Variants in ZSCAN29 observed in about 807,000 individuals in gnomAD.
ZSCAN29 encodes zinc finger and SCAN domain containing 29, also known as zinc finger and SCAN domain-containing protein 29.
In ZSCAN29, 55 loss-of-function variants were observed where a neutral mutation model predicts 71.9. The ratio of observed to expected loss-of-function variants is 0.76; its 90% confidence interval spans 0.62 to 0.96. The LOEUF (loss-of-function observed/expected upper bound fraction) is 0.96, where lower values mean the gene tolerates loss of function less well. ZSCAN29 is among the 40% of genes least tolerant of loss of function. The pLI is 0.00. For synonymous variants in ZSCAN29, 351 were observed against 371.6 expected (o/e 0.94, Z 0.64); for missense variants, 1,042 against 1,042.2 (o/e 1.00, Z 0.00).
In ZSCAN29 at chr15:43,364,303, G is replaced by T. The variant is rs1420128202; in HGVS notation, c.1302C>A (p.Asn434Lys). The T allele has an allele frequency of 1.2e-6, 2 of 1,614,196 alleles. No homozygotes were observed. Among genetic ancestry groups the T allele is most frequent in the Non-Finnish European group, 1.7e-6 (2 of 1,180,040 alleles). ...CATACAGCTGGCTGTTGCGGTGACA[G>T]TTCCGGAGGGCTTCATAAAACTGGG... ...SETQFYEALR[N>K]CHRNSQLYGA... Residue 434 changes from asparagine to lysine, a missense_variant, in exon 5 of 6, where the codon AAC becomes AAA. Coordinates refer to ENST00000684362, the MANE Select transcript of ZSCAN29 (RefSeq NM_001372080.1).
In ZSCAN29 at chr15:43,369,924, A is replaced by C. The variant is rs1394191092; in HGVS notation, c.-11T>G. 6.3e-7 allele frequency: 1 copy of C among 1,582,936 alleles called. No individual in the cohort carries two copies. The highest frequency in any genetic ancestry group is 1.1e-5 in the South Asian group (1 of 89,026). Reference sequence around the variant, plus strand: ...TGATTTGGCCATCATTAATAGCAGAATGCAGCTTCCCTTCGCTTAGGAGTC... The same window carrying C: ...TGATTTGGCCATCATTAATAGCAGACTGCAGCTTCCCTTCGCTTAGGAGTC... On this transcript the variant is annotated 5_prime_UTR_variant, in exon 2 of 6. Transcript: ENST00000684362.
rs768302942 is a variant in ZSCAN29, at chr15:43,361,178, A to G, written c.2454T>C (p.Tyr818=). Residue 818 remains tyrosine, a synonymous_variant, in exon 6 of 6, where the codon TAT becomes TAC. Transcript: ENST00000684362. ...HHRTHTGEKP[Y]GCHDCGKCFS... ...AGCACTTACCACAGTCATGACACCC[A>G]TAGGGTTTCTCTCCTGTGTGGGTTC... is the stretch of plus-strand genomic sequence containing the variant. 14 of 1,614,114 alleles carry G rather than the reference A, an allele frequency of 8.7e-6. No homozygotes were observed. The African/African-American group carries it at 1.7e-4, about 20-fold the overall frequency.
chr15:43,366,763 C>A lies in ZSCAN29; in HGVS notation c.569G>T (p.Gly190Val), dbSNP rs2044044512. The A allele has an allele frequency of 6.2e-7, 1 of 1,613,938 alleles. No homozygotes were observed. The highest frequency in any genetic ancestry group is 1.1e-5 in the South Asian group (1 of 91,044). The change falls in exon 4 of 6, where the codon GGA (glycine) becomes GTA (valine). Residue 190 changes from glycine to valine, a missense_variant. Physicochemically the swap from Gly to Val is moderately radical, Grantham distance 109. Coordinates refer to ENST00000684362, the MANE Select transcript of ZSCAN29 (RefSeq NM_001372080.1). The stretch of plus-strand genomic sequence containing the variant: ...CAGCAGATCTGGGATCCATGGCTCT[C>A]CTTGCTCCAACCTGGAGACCACACC... ...KSGVVSRLEQ[G>V]EPWIPDLLGS...
Position 43,361,157 on chromosome 15 carries a change from C to T in ZSCAN29, c.2475G>A (p.Lys825=). The T allele has an allele frequency of 1.2e-6, 2 of 1,614,160 alleles. No individual in the cohort carries two copies. Among genetic ancestry groups the T allele is most frequent in the South Asian group, 1.1e-5 (1 of 91,088 alleles). Residue 825 remains lysine (K), a synonymous_variant, in exon 6 of 6, where the codon AAG becomes AAA. Coordinates refer to ENST00000684362, the MANE Select transcript of ZSCAN29 (RefSeq NM_001372080.1). ...EKPYGCHDCG[K]CFSKSSALNK... ...TAAGGGCAGAGCTTTTACTGAAGCA[C>T]TTACCACAGTCATGACACCCATAGG...
intron 1 of ZSCAN29, chr15:43,370,276 A>C: frequency 4.2e-6 from 1 of 237,680 alleles, no homozygotes; most frequent in South Asian, 6.2e-5. Context: ...TCCCTGGCCA[A>C]TGTTGCACAG....
At chr15:43,369,320 C>T (rs578183712) in intron 2 of ZSCAN29, 193 bp from the exon 3 acceptor site, 35 of 602,630 alleles carry the variant, frequency 5.8e-5, no homozygotes, top group African/African-American at 5.7e-4. Flanking sequence ...CAGAAGGAAA[C>T]GATCAAAATA....
rs1172051818 is a variant in ZSCAN29, at chr15:43,358,884, T to C, written c.*2189A>G. On this transcript the variant is annotated 3_prime_UTR_variant, in exon 6 of 6. Transcript: ENST00000684362. Reference sequence around the variant, plus strand: ...CCTCATGGTCTGCTCCTAACACCCATGTTTCAGCTAAGGTGATTCTCTCTG... The same window carrying C: ...CCTCATGGTCTGCTCCTAACACCCACGTTTCAGCTAAGGTGATTCTCTCTG... 1 of 152,262 alleles carries C rather than the reference T, an allele frequency of 6.6e-6. No individual in the cohort carries two copies. Among genetic ancestry groups the C allele is most frequent in the African/African-American group, 2.4e-5 (1 of 41,464 alleles). The allele number at this position is 152,262 out of a possible 1,614,324, so 9.4% of individuals were successfully genotyped here.
chr15:43,369,102 TCCTG>T lies in ZSCAN29; in HGVS notation c.340_343del (p.Gln114LysfsTer7). 6.3e-7 allele frequency: 1 copy of T among 1,588,204 alleles called. No individual in the cohort carries two copies. The highest frequency in any genetic ancestry group is 8.6e-7 in the Non-Finnish European group (1 of 1,163,752). On this transcript the variant is annotated frameshift_variant, in exon 3 of 6. Transcript: ENST00000684362. LOFTEE classifies it high-confidence loss of function. ...GGGTGTCATCTTCTCCAAGCGCACT[TCCTG>T]CCCCTTCACAGAGACTGTGACCTAG... is the stretch of plus-strand genomic sequence containing the variant.
chr15:43,368,342 G>A (rs2044059950), intron 3 of ZSCAN29, among the ~76,000 whole-genome samples: 1 of 59,872 alleles, frequency 1.7e-5, no homozygotes. Context: ...CGGCTAAAAC[G>A]GTGAAACCCC....
rs1038826924 is a variant in ZSCAN29 at position 43,366,646 on chromosome 15, C to T, written c.686G>A (p.Ser229Asn). The T allele has an allele frequency of 1.2e-6, 2 of 1,614,100 alleles. No individual in the cohort carries two copies. Among genetic ancestry groups the T allele is most frequent in the African/African-American group, 2.7e-5 (2 of 74,942 alleles). Residue 229 changes from serine (S) to asparagine (N), a missense_variant, in exon 4 of 6, where the codon AGC becomes AAC. Coordinates refer to ENST00000684362, the MANE Select transcript of ZSCAN29 (RefSeq NM_001372080.1). ...DLLPSKKDRR[S>N]WVEQDHWSFE... The stretch of plus-strand genomic sequence containing the variant: ...GCTCCAGTGATCCTGTTCCACCCAG[C>T]TTCTTCTATCTTTCTTGGATGGTAA...
intron 5 of ZSCAN29, among the ~76,000 whole-genome samples, chr15:43,363,005 T>C (rs1317218330): frequency 6.6e-6 from 1 of 152,100 alleles, no homozygotes; most frequent in Non-Finnish European, 1.5e-5. Context: ...TTTTTTTTTT[T>C]TTTCATTCGT....
chr15:43,369,523 G>A (rs2044076137), intron 2 of ZSCAN29, 73 bp downstream of exon 2: 1 of 1,485,116 alleles, frequency 6.7e-7, no homozygotes, highest in Non-Finnish European at 9.2e-7. Flanking sequence ...CCCTCTTTAA[G>A]CCTGTCTATA....
rs757020953 is a variant in ZSCAN29, at chr15:43,366,712, C to A, written c.620G>T (p.Ser207Ile). 5 of 1,614,098 alleles carry A rather than the reference C, an allele frequency of 3.1e-6. No homozygotes were observed. In the East Asian group the frequency reaches 8.9e-5, roughly 29 times the overall value. Residue 207 changes from serine to isoleucine, a missense_variant, in exon 4 of 6, where the codon AGT becomes ATT. Coordinates refer to ENST00000684362, the MANE Select transcript of ZSCAN29 (RefSeq NM_001372080.1). Reference sequence around the variant, plus strand: ...TCGTCTGTCTCCTATGTGGCTGCCACTTGGAAGTTCTTTCTCCTTAGAGCC... The same window carrying A: ...TCGTCTGTCTCCTATGTGGCTGCCAATTGGAAGTTCTTTCTCCTTAGAGCC... ...LLGSKEKELP[S>I]GSHIGDRRVH...
At chr15:43,370,427 T>G (rs1218805608) in intron 1 of ZSCAN29, 131 bp downstream of exon 1, 2 of 152,882 alleles carry the variant, frequency 1.3e-5, no homozygotes, top group African/African-American at 2.4e-5. Flanking sequence ...TCCCGAGGCC[T>G]TCTGCGTCCG....
chr15:43,364,733 G>C (rs2142730332), intron 4 of ZSCAN29, among the ~76,000 whole-genome samples: 1 of 151,622 alleles, frequency 6.6e-6, no homozygotes, highest in Non-Finnish European at 1.5e-5. Context: ...TAAAAACACA[G>C]AAAAATTAGC....
chr15:43,361,853 A>C lies in ZSCAN29; in HGVS notation c.1779T>G (p.Ser593=). 6.2e-7 allele frequency: 1 copy of C among 1,614,184 alleles called. No individual in the cohort carries two copies. Among genetic ancestry groups the C allele is most frequent in the Non-Finnish European group, 8.5e-7 (1 of 1,180,032 alleles). ...VQLHRTLLAR[S]ERKIPRYLHQ... ...GAAGATACCGGGGAATTTTCCTTTC[A>C]GATCTTGCAAGTAATGTCCTATGCA... The change falls in exon 6 of 6, where the codon TCT becomes TCG. Residue 593 remains serine (S), a synonymous_variant. Coordinates refer to ENST00000684362, the MANE Select transcript of ZSCAN29 (RefSeq NM_001372080.1).
At position 43,361,048 on chromosome 15, in the gene ZSCAN29, C is replaced by T; in HGVS notation, c.*25G>A. On this transcript the variant is annotated 3_prime_UTR_variant, in exon 6 of 6. Transcript: ENST00000684362. ...TCTAAACAATACATTTATTGAGCCT[C>T]TTTCCGTTATATATCCTCAGGGGCT... is the stretch of plus-strand genomic sequence containing the variant. 1 of 1,548,768 alleles carries T rather than the reference C, an allele frequency of 6.5e-7. No homozygotes were observed. The highest frequency in any genetic ancestry group is 8.7e-7 in the Non-Finnish European group (1 of 1,148,462).
In ZSCAN29 at chr15:43,361,551, A is replaced by C. The variant is rs138662722; in HGVS notation, c.2081T>G (p.Ile694Ser). The C allele has an allele frequency of 6.2e-7, 1 of 1,614,112 alleles. No individual in the cohort carries two copies. The highest frequency in any genetic ancestry group is 8.5e-7 in the Non-Finnish European group (1 of 1,180,008). The change falls in exon 6 of 6, where the codon ATT becomes AGT. Residue 694 changes from isoleucine (I) to serine (S), a missense_variant. Ile to Ser is a moderately radical substitution (Grantham distance 142). Transcript: ENST00000684362. ...GKSFSRSARL[I>S]RHRRIHTGEK... ...TCCAGTGTGGATTCTCCGGTGTCTA[A>C]TGAGTCGTGCACTCCGACTGAAGCT...
At position 43,366,737 on chromosome 15, in the gene ZSCAN29, CCAG is replaced by C. The variant is rs761302856; in HGVS notation, c.592_594del (p.Leu198del). ...CTTGGAAGTTCTTTCTCCTTAGAGC[CCAG>C]CAGATCTGGGATCCATGGCTCTCCT... On this transcript the variant is annotated inframe_deletion, in exon 4 of 6. Coordinates refer to ENST00000684362, the MANE Select transcript of ZSCAN29 (RefSeq NM_001372080.1). 1.2e-5 allele frequency: 19 copies of C among 1,613,968 alleles called. No homozygotes were observed. In the African/African-American group the frequency reaches 1.6e-4, roughly 14 times the overall value.
Sources: gnomAD v4.1 joint callset for allele counts (sites outside exome capture counted in the v4.1 genomes callset) on GRCh38, gnomAD v4.1.1 for gene constraint, MANE v1.5 for transcripts, NCBI Gene and HGNC (gene_info 2026-07-23, HGNC 2026-07-21) for gene names.